Variants in HHIPL1 observed in about 807,000 individuals in gnomAD.
HHIPL1 encodes the protein HHIP like 1.
HHIPL1 carries 43 observed loss-of-function variants against 61.8 expected under a neutral mutation model. The ratio of observed to expected loss-of-function variants is 0.70; its 90% CI spans 0.55 to 0.90. The LOEUF (loss-of-function observed/expected upper bound fraction) is 0.90. Among genes scored for constraint, HHIPL1 ranks in the 40% least tolerant of loss-of-function variants. The pLI, the probability that HHIPL1 is intolerant of heterozygous loss-of-function variation, is 0.00. For missense variants in HHIPL1, 1,056 were observed against 1,157.7 expected, an observed-to-expected ratio of 0.91 and a Z score of 1.28; for synonymous variants, 482 against 515.8, an observed-to-expected ratio of 0.93 and a Z score of 0.89.
intron 6 of HHIPL1, among the ~76,000 whole-genome samples, chr14:99,667,328 T>A (rs1427729312): frequency 1.3e-5 from 2 of 151,758 alleles, no homozygotes; most frequent in Non-Finnish European, 2.9e-5. Flanking sequence ...CCTCTTTTTT[T>A]TTTTTCTCAG....
chr14:99,624,206 TCTC>T, the HHIPL1 span, among the ~76,000 whole-genome samples: 3,451 of 152,140 alleles, frequency 0.023, 59 homozygotes, highest in Non-Finnish European at 0.036. Flanking sequence ...CTCAGCCACT[TCTC>T]CTCTTCCCTG....
the HHIPL1 span, among the ~76,000 whole-genome samples, chr14:99,634,271 T>C: frequency 6.6e-6 from 1 of 152,170 alleles, no homozygotes; most frequent in Admixed American, 6.5e-5. Context: ...TGGGGTGGCA[T>C]CTGTCAGCCC....
At chr14:99,657,228 C>A in intron 3 of HHIPL1, 85 bp downstream of exon 3, 2 of 1,465,952 alleles carry the variant, frequency 1.4e-6, no homozygotes, top group Non-Finnish European at 1.9e-6. Flanking sequence ...GTTCCTTCCT[C>A]GGCCAGGCAT....
At chr14:99,663,980 A>T (rs983257112) in intron 6 of HHIPL1, among the ~76,000 whole-genome samples, 1 of 152,170 alleles carries the variant, frequency 6.6e-6, no homozygotes, top group Admixed American at 6.5e-5. Context: ...CCACATAATT[A>T]TTTCAAAGCG....
chr14:99,641,150 G>A (rs752937612), upstream of HHIPL1, among the ~76,000 whole-genome samples: 7 of 151,912 alleles, frequency 4.6e-5, no homozygotes, highest in East Asian at 1.9e-4. Context: ...GCCTCCCAAC[G>A]TGTTGGGATT....
At chr14:99,672,131 C>G (rs375396390) in intron 7 of HHIPL1, among the ~76,000 whole-genome samples, 186 bp from the exon 8 acceptor site, 7 of 152,204 alleles carry the variant, frequency 4.6e-5, no homozygotes, top group Admixed American at 6.5e-5. Flanking sequence ...GGGATTTATG[C>G]CCTGGAGCTC....
chr14:99,647,181 G>A (rs925737933), intron 1 of HHIPL1, among the ~76,000 whole-genome samples: 1 of 152,194 alleles, frequency 6.6e-6, no homozygotes, highest in African/African-American at 2.4e-5. Context: ...CTGGGAGGAT[G>A]AGGAGGGGGC....
At chr14:99,669,189 C>T (rs1476800493) in intron 7 of HHIPL1, 7 of 1,276,680 alleles carry the variant, frequency 5.5e-6, no homozygotes, top group Non-Finnish European at 6.9e-6. Context: ...TGTATCTCTT[C>T]ACTCTGCAGA....
rs2056125588 is a variant in HHIPL1, at chr14:99,660,132, AGCCCTGCTGTGGGCACG to A, written c.1376-147_1376-131del. The A allele has an allele frequency of 2.6e-5, 17 of 649,196 alleles. No homozygotes were observed. Among genetic ancestry groups the A allele is most frequent in the South Asian group, 1.0e-4 (4 of 38,114 alleles). 40.2% of individuals were successfully genotyped at this position (649,196 alleles called of 1,614,324 possible). A position where few individuals can be genotyped will look rare whatever the true frequency, so the allele number is the denominator to read the frequency against. ...CTGCAGACACGCTTTCCACCACGCC[AGCCCTGCTGTGGGCACG>A]CCAGCCCTGCTGTGGGCACGCCCCT... On this transcript the variant is annotated intron_variant, in intron 4 of 8. Transcript: ENST00000330710. The surrounding 1 kb of genome is among the most constrained non-coding windows in gnomAD (Gnocchi z 4.9).
chr14:99,647,557 G>C (rs1048971570), intron 1 of HHIPL1, among the ~76,000 whole-genome samples: 1 of 152,222 alleles, frequency 6.6e-6, no homozygotes, highest in African/African-American at 2.4e-5. Context: ...TAGCAGGAGT[G>C]ACCACTAACA....
the HHIPL1 span, among the ~76,000 whole-genome samples, chr14:99,626,756 A>G: frequency 6.6e-6 from 1 of 152,226 alleles, no homozygotes; most frequent in African/African-American, 2.4e-5. Context: ...AGGTGACACA[A>G]CACAGGGCTC....
chr14:99,608,704 A>T, the HHIPL1 span, among the ~76,000 whole-genome samples: 51 of 152,322 alleles, frequency 3.3e-4, 1 homozygote, highest in African/African-American at 1.2e-3. Flanking sequence ...GACAATGTTG[A>T]CTGGGCACTT....
the HHIPL1 span, among the ~76,000 whole-genome samples, chr14:99,634,973 G>A: frequency 5.0e-3 from 754 of 152,286 alleles, 5 homozygotes; most frequent in Non-Finnish European, 7.4e-3. Context: ...TGTCAGCAAC[G>A]TGAGGTTGGT....
At position 99,645,357 on chromosome 14, in the gene HHIPL1, G is replaced by C. The variant is rs751957573; in HGVS notation, c.150G>C (p.Glu50Asp). Residue 50 changes from glutamate (E) to aspartate (D), a missense_variant, in exon 1 of 9, where the codon GAG becomes GAC. Transcript: ENST00000330710. ...ACTCGGACTTCGGCTGCTGCGATGA[G>C]GGGCGCGACGCCGAGCTGACCCGCC... ...AQYSDFGCCD[E>D]GRDAELTRRF... The C allele has an allele frequency of 4.2e-5, 61 of 1,448,532 alleles. No individual in the cohort carries two copies. The highest frequency in any genetic ancestry group is 2.4e-4 in the Middle Eastern group (1 of 4,104). 89.7% of individuals were successfully genotyped at this position (1,448,532 alleles called of 1,614,324 possible).
At chr14:99,657,721 A>G (rs2056071896) in intron 3 of HHIPL1, among the ~76,000 whole-genome samples, 1 of 151,834 alleles carries the variant, frequency 6.6e-6, no homozygotes, top group African/African-American at 2.4e-5. Context: ...ACACACATGT[A>G]CACACATATA....
In HHIPL1 at chr14:99,676,817, G is replaced by T. The variant is rs2056396754; in HGVS notation, c.*1191G>T. 6.6e-6 allele frequency: 1 copy of T among 152,152 alleles called. No homozygotes were observed. The highest frequency in any genetic ancestry group is 1.5e-5 in the Non-Finnish European group (1 of 68,066). The allele number at this position is 152,152 out of a possible 1,614,324, so 9.4% of individuals were successfully genotyped here. A position where few individuals can be genotyped will look rare whatever the true frequency, so the allele number is the denominator to read the frequency against. On this transcript the variant is annotated 3_prime_UTR_variant, in exon 9 of 9. Coordinates refer to ENST00000330710, the MANE Select transcript of HHIPL1 (RefSeq NM_001127258.3). ...GATGCTCGGCCCTGGCTCTGTGCCA[G>T]GCCGCAGAGGGGCACTTAGTATGAC...
upstream of HHIPL1, among the ~76,000 whole-genome samples, chr14:99,644,510 G>T (rs1368795343): frequency 6.6e-6 from 1 of 152,116 alleles, no homozygotes; most frequent in Non-Finnish European, 1.5e-5. Flanking sequence ...GGGGGCAGCG[G>T]AACAAAGGGC....
chr14:99,634,935 G>T, the HHIPL1 span, among the ~76,000 whole-genome samples: 2 of 152,172 alleles, frequency 1.3e-5, no homozygotes, highest in Non-Finnish European at 2.9e-5. Context: ...AGTGTAATGA[G>T]CCCCCCATCT....
intron 1 of HHIPL1, among the ~76,000 whole-genome samples, chr14:99,647,689 C>A (rs567647255): frequency 6.6e-6 from 1 of 152,350 alleles, no homozygotes; most frequent in African/African-American, 2.4e-5. Context: ...GAGGACCATG[C>A]TCTCTGCTAG....
Sources: gnomAD v4.1 joint callset for allele counts (sites outside exome capture counted in the v4.1 genomes callset) on GRCh38, gnomAD v4.1.1 for gene constraint, Gnocchi (gnomAD v3.1) non-coding constraint, MANE v1.5 for transcripts, NCBI Gene and HGNC (gene_info 2026-07-23, HGNC 2026-07-21) for gene names.